Variants in NAPA observed in about 807,000 individuals in gnomAD.
The protein encoded by NAPA is NSF attachment protein alpha, also known as alpha-soluble NSF attachment protein.
A neutral mutation model predicts 48.0 loss-of-function variants in NAPA; 18 were observed. The ratio of observed to expected loss-of-function variants is 0.38; its 90% confidence interval spans 0.26 to 0.56. The LOEUF (loss-of-function observed/expected upper bound fraction) is 0.56, where lower values mean the gene tolerates loss of function less well. Ranked by LOEUF, NAPA falls within the 20% of genes least tolerant of loss-of-function variation. NAPA has a pLI of 0.77. For synonymous variants in NAPA, 152 were observed against 149.9 expected (o/e 1.01, Z -0.10); for missense variants, 315 against 385.0 (o/e 0.82, Z 1.52).
At chr19:47,498,270 C>A (rs1968482548) in intron 3 of NAPA, among the ~76,000 whole-genome samples, 1 of 152,162 alleles carries the variant, frequency 6.6e-6, no homozygotes, top group African/African-American at 2.4e-5. Flanking sequence ...CTTGGGGAAG[C>A]CAGGCAAGGT....
At position 47,509,551 on chromosome 19, in the gene NAPA, G is replaced by A. The variant is rs774708567; in HGVS notation, c.98+5292C>T. On this transcript the variant is annotated intron_variant, in intron 1 of 10. Transcript: ENST00000263354. ...CAGCAGAGAGCTGGCCACACCACGG[G>A]CGTTCAGTAAACGAGAGCATCCCTC... Among the ~76,000 whole-genome samples, 108 of 152,254 alleles carry A rather than the reference G, an allele frequency of 7.1e-4. 3 individuals carry two copies. Among genetic ancestry groups the A allele is most frequent in the Non-Finnish European group, 1.1e-3 (72 of 68,014 alleles).
intron 1 of NAPA, 93 bp from the exon 2 acceptor site, chr19:47,503,595 C>CGG: frequency 8.3e-7 from 1 of 1,205,398 alleles, no homozygotes; most frequent in Non-Finnish European, 1.2e-6. Context: ...CAGACGTGCC[C>CGG]CTACCCCTCA....
At chr19:47,504,835 T>A (rs1248166392) in intron 1 of NAPA, among the ~76,000 whole-genome samples, 1 of 152,022 alleles carries the variant, frequency 6.6e-6, no homozygotes, top group East Asian at 1.9e-4. Flanking sequence ...AAAAAACTAA[T>A]CAGAAAAGTT....
downstream of NAPA, among the ~76,000 whole-genome samples, chr19:47,485,619 A>G (rs759737544): frequency 6.6e-6 from 1 of 152,242 alleles, no homozygotes; most frequent in Non-Finnish European, 1.5e-5. Flanking sequence ...AAGGCCTGAC[A>G]CAAAGCAGGC....
At position 47,515,026 on chromosome 19, in the gene NAPA, A is replaced by G. The variant is rs1555763469; in HGVS notation, c.-86T>C. ...GCCGGGCCGCGGAACACAGATCGGT[A>G]AAACTCGCCCGGCTGCGTTGACGTC... On this transcript the variant is annotated 5_prime_UTR_variant, in exon 1 of 11. Transcript: ENST00000263354. 7.3e-7 allele frequency: 1 copy of G among 1,372,844 alleles called. No individual in the cohort carries two copies. Among genetic ancestry groups the G allele is most frequent in the Non-Finnish European group, 1.0e-6 (1 of 995,872 alleles). The allele number at this position is 1,372,844 out of a possible 1,614,324, so 85.0% of individuals were successfully genotyped here.
intron 7 of NAPA, chr19:47,492,648 C>T (rs1410728301): frequency 1.4e-5 from 7 of 496,970 alleles, no homozygotes; most frequent in Non-Finnish European, 2.7e-5. Context: ...GGCCTCTTGG[C>T]ACTTCTTCCC....
In NAPA at chr19:47,500,651, T is replaced by C; in HGVS notation, c.277A>G (p.Lys93Glu). 6.2e-7 allele frequency: 1 copy of C among 1,610,118 alleles called. No homozygotes were observed. The highest frequency in any genetic ancestry group is 2.2e-5 in the East Asian group (1 of 44,556). The change falls in exon 3 of 11, where the codon AAG (lysine) becomes GAG (glutamate). Residue 93 changes from lysine to glutamate, a missense_variant. Lys to Glu is a moderately conservative substitution (Grantham distance 56). Coordinates refer to ENST00000263354, the MANE Select transcript of NAPA (RefSeq NM_003827.4). ...CCCTCACCTTGGGGGTCGGCTTTCT[T>C]GAATGCGTTGCCAGCGTCCACAAAG... ...TCFVDAGNAF[K>E]KADPQEAINC...
At chr19:47,492,441 T>A (rs1380327188) in intron 7 of NAPA, 9 of 423,234 alleles carry the variant, frequency 2.1e-5, no homozygotes, top group Non-Finnish European at 1.8e-5. Context: ...GGCATGGCGG[T>A]GGGCAGAGCG....
rs545373237 is a variant in NAPA at position 47,509,950 on chromosome 19, T to A, written c.98+4893A>T. 7.2e-5 allele frequency among the ~76,000 whole-genome samples: 11 copies of A among 152,266 alleles called. No individual in the cohort carries two copies. In the South Asian group the frequency reaches 1.9e-3, roughly 26 times the overall value. On this transcript the variant is annotated intron_variant, in intron 1 of 10. Coordinates refer to ENST00000263354, the MANE Select transcript of NAPA (RefSeq NM_003827.4). ...AGACCCTTGCCTCTCAGTAGCCCCA[T>A]CCCAAAAAGGAGACGGAAATGTTTG...
chr19:47,514,767 T>C, intron 1 of NAPA, 76 bp downstream of exon 1: 1 of 1,449,002 alleles, frequency 6.9e-7, no homozygotes. Context: ...CTGCGTGCCC[T>C]AACCCGCCAC....
At chr19:47,513,639 C>T (rs1968846138) in intron 1 of NAPA, among the ~76,000 whole-genome samples, 1 of 151,834 alleles carries the variant, frequency 6.6e-6, no homozygotes, top group African/African-American at 2.4e-5. Context: ...AGGCCTTTTC[C>T]CATCCCTCTT....
rs1241696578 is a variant in NAPA at position 47,493,125 on chromosome 19, G to A, written c.470C>T (p.Ser157Phe). Reference sequence around the variant, plus strand: ...CAGGCAGGAAGGGGGCTACCTGTTGGACTCCTCGCCTTTGTAGTAGTCTGC... The same window carrying A: ...CAGGCAGGAAGGGGGCTACCTGTTGAACTCCTCGCCTTTGTAGTAGTCTGC... ...QSADYYKGEE[S>F]NSSANKCLLK... The change falls in exon 6 of 11, where the codon TCC (serine) becomes TTC (phenylalanine). Residue 157 changes from serine to phenylalanine, a missense_variant. Coordinates refer to ENST00000263354, the MANE Select transcript of NAPA (RefSeq NM_003827.4). This position sits in a 1 kb window ranked among gnomAD's most constrained non-coding sequence, Gnocchi z 6.4. The A allele has an allele frequency of 6.2e-7, 1 of 1,613,208 alleles. No individual in the cohort carries two copies. The highest frequency in any genetic ancestry group is 2.2e-5 in the East Asian group (1 of 44,876).
intron 9 of NAPA, among the ~76,000 whole-genome samples, chr19:47,490,386 GGT>G (rs1348645880): frequency 6.8e-6 from 1 of 146,876 alleles, no homozygotes; most frequent in South Asian, 2.2e-4. Flanking sequence ...GTGTGTGTGG[GGT>G]GTGTGGGGTG....
At chr19:47,509,349 T>TAAAAA (rs869068004) in intron 1 of NAPA, among the ~76,000 whole-genome samples, 4 of 92,156 alleles carry the variant, frequency 4.3e-5, no homozygotes, top group African/African-American at 1.8e-4. Flanking sequence ...TAAAATAAAA[T>TAAAAA]AAATAAAATA....
intron 2 of NAPA, chr19:47,501,453 GCAGATCCC>G (rs1315569329): frequency 2.0e-5 from 3 of 152,138 alleles, no homozygotes; most frequent in African/African-American, 7.2e-5. Context: ...TCCCTTCACT[GCAGATCCC>G]CATGGACAAG....
In NAPA at chr19:47,506,950, G is replaced by A. The variant is rs1385613516; in HGVS notation, c.99-3448C>T. The A allele has an allele frequency of 6.6e-6, 1 of 152,304 alleles. No homozygotes were observed. Among genetic ancestry groups the A allele is most frequent in the African/African-American group, 2.4e-5 (1 of 41,468 alleles). The allele number at this position is 152,304 out of a possible 1,614,324, so 9.4% of individuals were successfully genotyped here. On this transcript the variant is annotated intron_variant, in intron 1 of 10. Transcript: ENST00000263354. This position sits in a 1 kb window ranked among gnomAD's most constrained non-coding sequence, Gnocchi z 4.0. ...GGTTCCAGTGGAAGATCCTGAAGAAGCCATTCACATACACATTTATTCACC... is the reference window on the plus strand; with the variant it reads ...GGTTCCAGTGGAAGATCCTGAAGAAACCATTCACATACACATTTATTCACC...
At chr19:47,502,848 T>A (rs1358304046) in intron 2 of NAPA, among the ~76,000 whole-genome samples, 1 of 152,182 alleles carries the variant, frequency 6.6e-6, no homozygotes, top group Non-Finnish European at 1.5e-5. Context: ...ACACTCAGGC[T>A]CTGCAGTCAG....
chr19:47,491,812 C>T (rs906446768), intron 8 of NAPA, among the ~76,000 whole-genome samples: 6 of 152,178 alleles, frequency 3.9e-5, no homozygotes, highest in African/African-American at 7.2e-5. Flanking sequence ...GAGCTGGACC[C>T]GCAAAAGCCT....
At chr19:47,499,889 CCT>C (rs1420424493) in intron 3 of NAPA, among the ~76,000 whole-genome samples, 2 of 152,176 alleles carry the variant, frequency 1.3e-5, no homozygotes, top group African/African-American at 2.4e-5. Flanking sequence ...TTTCCATTCC[CCT>C]GAGATGACAG....
Sources: allele counts gnomAD v4.1 joint callset (sites outside exome capture counted in the v4.1 genomes callset), GRCh38; gene constraint gnomAD v4.1.1; non-coding constraint Gnocchi (gnomAD v3.1); transcripts MANE v1.5; gene names NCBI Gene and HGNC (gene_info 2026-07-23, HGNC 2026-07-21).